Variants in CATSPERG observed in about 807,000 individuals in gnomAD.
CATSPERG encodes the protein catsper channel auxiliary subunit gamma.
In CATSPERG, 115 loss-of-function variants were observed where a neutral mutation model predicts 145.0. The observed-to-expected ratio is 0.79, with a 90% CI of 0.68 to 0.93. CATSPERG has a LOEUF of 0.93. CATSPERG is among the 40% of genes least tolerant of loss of function. The pLI, the probability that CATSPERG is intolerant of heterozygous loss-of-function variation, is 0.00. For synonymous variants in CATSPERG, 588 were observed against 589.0 expected (o/e 1.00, Z 0.02); for missense variants, 1,296 against 1,490.1 (o/e 0.87, Z 2.14).
intron 23 of CATSPERG, 94 bp downstream of exon 23, chr19:38,367,406 C>G (rs1212856134): frequency 6.4e-7 from 1 of 1,559,748 alleles, no homozygotes; most frequent in Non-Finnish European, 8.7e-7. Flanking sequence ...CGCAGACTAC[C>G]CACCCTTTTT....
chr19:38,355,997 C>A lies in CATSPERG; in HGVS notation c.1136-487C>A, dbSNP rs549079387. Among the ~76,000 whole-genome samples the A allele has an allele frequency of 4.4e-4, 67 of 152,146 alleles. 1 individual carries two copies. The South Asian group carries it at 0.014, about 31-fold the overall frequency. On this transcript the variant is annotated intron_variant, in intron 9 of 28. Transcript: ENST00000409235. ...ATGGTAGTACTAGCATCTAGGTCAC[C>A]GGGTTGATATAAAGATTAAATAAGT...
At chr19:38,363,878 A>C (rs1715593384) in intron 20 of CATSPERG, among the ~76,000 whole-genome samples, 1 of 152,248 alleles carries the variant, frequency 6.6e-6, no homozygotes, top group Admixed American at 6.5e-5. Flanking sequence ...CTACACAGAC[A>C]CGGCAACCAT....
intron 3 of CATSPERG, among the ~76,000 whole-genome samples, chr19:38,340,077 C>G (rs1969911939): frequency 6.6e-6 from 1 of 152,110 alleles, no homozygotes; most frequent in African/African-American, 2.4e-5. Context: ...TGGTCTCGAA[C>G]TCCTGACCTC....
At chr19:38,362,118 T>A (rs2145102122) in intron 17 of CATSPERG, 92 bp from the exon 18 acceptor site, 1 of 1,404,042 alleles carries the variant, frequency 7.1e-7, no homozygotes. Context: ...GGGGGCTGGC[T>A]TTGAGGCTAG....
chr19:38,362,434 T>C lies in CATSPERG; in HGVS notation c.2216T>C (p.Met739Thr), dbSNP rs1227900019. ...WRSAGGVSIE[M>T]DSYEKIYNLE... The stretch of plus-strand genomic sequence containing the variant: ...AGCGCGGGCGGCGTGTCCATAGAAA[T>C]GGACAGCTACGAAAAGATCTACAAC... Residue 739 changes from methionine (M) to threonine (T), a missense_variant, in exon 19 of 29, where the codon ATG becomes ACG. By Grantham distance (81) the Met-to-Thr change is moderately conservative (BLOSUM62 -1). Coordinates refer to ENST00000409235, the MANE Select transcript of CATSPERG (RefSeq NM_021185.5). 6 of 1,614,026 alleles carry C rather than the reference T, an allele frequency of 3.7e-6. No homozygotes were observed. In the South Asian group the frequency reaches 6.6e-5, roughly 18 times the overall value.
intron 14 of CATSPERG, chr19:38,359,887 C>CA (rs1491517889): frequency 3.1e-4 from 352 of 1,121,868 alleles, no homozygotes; most frequent in South Asian, 1.0e-3. Context: ...CTGGAGAACA[C>CA]AGAGTGATCA....
intron 3 of CATSPERG, among the ~76,000 whole-genome samples, chr19:38,339,253 GA>G (rs1455111941): frequency 6.9e-6 from 1 of 145,180 alleles, no homozygotes; most frequent in Non-Finnish European, 1.5e-5. Flanking sequence ...TCAATCCTGG[GA>G]GCGCAAGGAG....
intron 6 of CATSPERG, among the ~76,000 whole-genome samples, chr19:38,346,172 C>T (rs1215861782): frequency 2.0e-5 from 3 of 152,106 alleles, no homozygotes; most frequent in Non-Finnish European, 4.4e-5. Context: ...TGCATGGATA[C>T]TAAGGGAAGA....
intron 20 of CATSPERG, among the ~76,000 whole-genome samples, chr19:38,363,826 C>T (rs1970396621): frequency 6.6e-6 from 1 of 152,208 alleles, no homozygotes. Flanking sequence ...GAATTTTTCC[C>T]AGTACAAAAC....
At chr19:38,367,968 C>T in intron 25 of CATSPERG, 80 bp from the exon 26 acceptor site, 1 of 1,346,854 alleles carries the variant, frequency 7.4e-7, no homozygotes. Context: ...CCTGTGGCCT[C>T]CCTCCACACT....
At chr19:38,350,518 C>G (rs1346284377) in intron 7 of CATSPERG, among the ~76,000 whole-genome samples, 15 of 152,140 alleles carry the variant, frequency 9.9e-5, no homozygotes, top group Non-Finnish European at 2.1e-4. Flanking sequence ...GTTGGGATTA[C>G]AGGCACGTGT....
At chr19:38,343,499 A>G (rs1205111613) in intron 3 of CATSPERG, 81 bp from the exon 4 acceptor site, 1 of 1,281,294 alleles carries the variant, frequency 7.8e-7, no homozygotes, top group Non-Finnish European at 1.1e-6. Context: ...CCCAGGAGAC[A>G]GACTGTTAGA....
intron 27 of CATSPERG, 26 bp downstream of exon 27, chr19:38,370,090 CGGGTCA>C: frequency 6.2e-7 from 1 of 1,613,308 alleles, no homozygotes; most frequent in Non-Finnish European, 8.5e-7. Flanking sequence ...GGCCCAGGTG[CGGGTCA>C]GGGGCTGCCC....
At chr19:38,340,534 G>A (rs1463974439) in intron 3 of CATSPERG, among the ~76,000 whole-genome samples, 1 of 151,596 alleles carries the variant, frequency 6.6e-6, no homozygotes, top group African/African-American at 2.4e-5. Flanking sequence ...TGGTCAGGCT[G>A]GTCTTGAACT....
intron 24 of CATSPERG, 51 bp from the exon 25 acceptor site, chr19:38,367,630 G>A (rs1249241863): frequency 3.4e-5 from 54 of 1,611,080 alleles, no homozygotes; most frequent in Non-Finnish European, 4.5e-5. Flanking sequence ...GGAGATGGGT[G>A]CAGGACTCGA....
Position 38,335,871 on chromosome 19 carries a change from G to T in CATSPERG, c.-19G>T. 4.0e-6 allele frequency: 1 copy of T among 250,730 alleles called. No individual in the cohort carries two copies. Among genetic ancestry groups the T allele is most frequent in the Non-Finnish European group, 8.1e-6 (1 of 123,594 alleles). 15.5% of individuals were successfully genotyped at this position (250,730 alleles called of 1,614,324 possible). A position where few individuals can be genotyped will look rare whatever the true frequency, so the allele number is the denominator to read the frequency against. On this transcript the variant is annotated 5_prime_UTR_variant, in exon 1 of 29. Transcript: ENST00000409235. ...GACAGTTGACCGGTTTTAACCAAGT[G>T]ACTGGTACCACGGGGCCGGGGAAAA...
rs184689060 is a variant in CATSPERG, at chr19:38,362,475, G to A, written c.2257G>A (p.Glu753Lys). 283 of 1,613,922 alleles carry A rather than the reference G, an allele frequency of 1.8e-4. 1 individual carries two copies. In the East Asian group the frequency reaches 5.8e-3, roughly 33 times the overall value. ...GATCTACAACCTCGAGTCCGCGTAC[G>A]AGCTGCCGGAGCGCATTTTCCTGGA... ...EKIYNLESAY[E>K]LPERIFLDKG... Residue 753 changes from glutamate (E) to lysine (K), a missense_variant, in exon 19 of 29, where the codon GAG (glutamate) becomes AAG (lysine). Glu to Lys is a moderately conservative substitution (Grantham distance 56). Transcript: ENST00000409235.
At position 38,370,264 on chromosome 19, in the gene CATSPERG, T is replaced by C. The variant is rs747215627; in HGVS notation, c.3213+6T>C. On this transcript the variant is annotated splice_donor_region_variant and intron_variant, in intron 28 of 28. Coordinates refer to ENST00000409235, the MANE Select transcript of CATSPERG (RefSeq NM_021185.5). ...GGGCCCTTTTCATCATCATGGTGAGTGGCTGTCCGGGAGCTGCCCTACTGG... is the reference window on the plus strand; with the variant it reads ...GGGCCCTTTTCATCATCATGGTGAGCGGCTGTCCGGGAGCTGCCCTACTGG... 6.2e-7 allele frequency: 1 copy of C among 1,612,310 alleles called. No individual in the cohort carries two copies. Among genetic ancestry groups the C allele is most frequent in the Non-Finnish European group, 8.5e-7 (1 of 1,179,718 alleles).
rs200982088 is a variant in CATSPERG at position 38,352,363 on chromosome 19, C to T, written c.928C>T (p.Arg310Trp). The T allele has an allele frequency of 3.4e-5, 53 of 1,551,756 alleles. No individual in the cohort carries two copies. The highest frequency in any genetic ancestry group is 1.6e-4 in the African/African-American group (12 of 73,006). ...TGCCACCGAGAGCACCCTCTTCATT[C>T]GGCAGAACCAGCTGGTCTACTATTT... ...TIATESTLFI[R>W]QNQLVYYFTG... Residue 310 changes from arginine to tryptophan, a missense_variant, in exon 8 of 29, where the codon CGG (arginine) becomes TGG (tryptophan). Physicochemically the swap from Arg to Trp is moderately radical, Grantham distance 101. Transcript: ENST00000409235.
Sources: allele counts gnomAD v4.1 joint callset (sites outside exome capture counted in the v4.1 genomes callset), GRCh38; gene constraint gnomAD v4.1.1; transcripts MANE v1.5; gene names NCBI Gene and HGNC (gene_info 2026-07-23, HGNC 2026-07-21).